WDR27: variants seen among roughly 807,000 people sequenced by gnomAD.
The protein encoded by WDR27 is WD repeat domain 27.
WDR27 carries 100 observed loss-of-function variants against 114.4 expected under a neutral mutation model. The ratio of observed to expected loss-of-function variants is 0.87; its 90% confidence interval spans 0.74 to 1.03. WDR27 has a LOEUF of 1.03. Among genes scored for constraint, WDR27 ranks in the 50% least tolerant of loss-of-function variants. The pLI is 0.00. For missense variants in WDR27, 1,129 were observed against 1,092.9 expected (o/e 1.03, Z -0.47); for synonymous variants, 449 against 423.1 (o/e 1.06, Z -0.75).
intron 2 of WDR27, among the ~76,000 whole-genome samples, chr6:169,685,846 A>G (rs1782793560): frequency 6.6e-6 from 1 of 152,220 alleles, no homozygotes; most frequent in South Asian, 2.1e-4. Flanking sequence ...ATCCAGGTTC[A>G]GGAAGCTCGA....
rs142980289 is a variant in WDR27 at position 169,647,819 on chromosome 6, G to A, written c.1611C>T (p.Val537=). The change falls in exon 16 of 26, where the codon GTC becomes GTT. Residue 537 remains valine, a synonymous_variant. Transcript: ENST00000448612. ...CACGTGTGCAGGTGGGGGCGGCAGC[G>A]ACCTGGGGGCCGGGCTTGGTGGGCA... ...CAVPTKPGPQ[V]AAAPTCTRVC... is the part of the protein sequence containing the mutation. The A allele has an allele frequency of 3.1e-4, 488 of 1,585,400 alleles. 4 individuals are homozygous for A. In the East Asian group the frequency reaches 8.2e-3, roughly 26 times the overall value.
chr6:169,464,564 T>C (rs1321050646), intron 25 of WDR27, among the ~76,000 whole-genome samples: 1 of 152,144 alleles, frequency 6.6e-6, no homozygotes, highest in Non-Finnish European at 1.5e-5. Context: ...CATAAAAAGG[T>C]ACTATTAAAA....
chr6:169,444,618 T>C, the WDR27 span, among the ~76,000 whole-genome samples: 1 of 151,996 alleles, frequency 6.6e-6, no homozygotes, highest in Non-Finnish European at 1.5e-5. Context: ...TGCCTTCACT[T>C]TAGAGGTTGA....
At chr6:169,658,416 G>T in intron 12 of WDR27, 58 bp from the exon 13 acceptor site, 1 of 1,304,776 alleles carries the variant, frequency 7.7e-7, no homozygotes, top group Non-Finnish European at 1.1e-6. Flanking sequence ...CGATGGAAAT[G>T]CCTCAGTGAC....
intron 23 of WDR27, among the ~76,000 whole-genome samples, chr6:169,588,342 G>A (rs1202766783): frequency 1.3e-5 from 2 of 152,208 alleles, no homozygotes; most frequent in African/African-American, 2.4e-5. Flanking sequence ...TTAAAAAGAT[G>A]TGTGTATATT....
chr6:169,482,361 G>A (rs1583688791), intron 25 of WDR27, among the ~76,000 whole-genome samples: 1 of 152,178 alleles, frequency 6.6e-6, no homozygotes, highest in African/African-American at 2.4e-5. Flanking sequence ...TTAGGTCTTT[G>A]AGGAATCACC....
intron 4 of WDR27, 90 bp from the exon 5 acceptor site, chr6:169,668,275 G>C (rs1828450081): frequency 7.5e-7 from 1 of 1,341,098 alleles, no homozygotes; most frequent in African/African-American, 1.4e-5. Flanking sequence ...TCTGAGCTAA[G>C]AGGAAAGCTC....
chr6:169,544,240 C>T (rs1797174473), intron 25 of WDR27, among the ~76,000 whole-genome samples: 2 of 151,878 alleles, frequency 1.3e-5, no homozygotes, highest in Admixed American at 1.3e-4. Flanking sequence ...GGTATAGCGA[C>T]TGAGATAGGC....
At chr6:169,652,861 A>G (rs1277211130) in intron 13 of WDR27, among the ~76,000 whole-genome samples, 1 of 152,252 alleles carries the variant, frequency 6.6e-6, no homozygotes, top group Admixed American at 6.5e-5. Context: ...ACCACAGTAC[A>G]TCACATATGC....
chr6:169,596,128 C>T lies in WDR27; in HGVS notation c.2424+6091G>A, dbSNP rs201698719. Among the ~76,000 whole-genome samples the T allele has an allele frequency of 5.9e-5, 9 of 151,982 alleles. No individual in the cohort carries two copies. In the East Asian group the frequency reaches 1.5e-3, roughly 26 times the overall value. On this transcript the variant is annotated intron_variant, in intron 23 of 25. Transcript: ENST00000448612. ...GTCTGAGTCAATTTTCCCAGGTATT[C>T]GTTCAATATCTAGATTTAACTAAAT...
At chr6:169,601,021 C>T (rs1411434114) in intron 23 of WDR27, among the ~76,000 whole-genome samples, 4 of 152,044 alleles carry the variant, frequency 2.6e-5, no homozygotes, top group Non-Finnish European at 5.9e-5. Context: ...GTCAGATTCA[C>T]CAAAGTTGAA....
chr6:169,603,216 G>A (rs1440588757), intron 22 of WDR27, among the ~76,000 whole-genome samples: 1 of 150,620 alleles, frequency 6.6e-6, no homozygotes, highest in Non-Finnish European at 1.5e-5. Flanking sequence ...CTGTTGCAAT[G>A]GCCAAGATAA....
At chr6:169,664,026 T>C in intron 8 of WDR27, 140 bp downstream of exon 8, 3 of 782,662 alleles carry the variant, frequency 3.8e-6, no homozygotes, top group Non-Finnish European at 3.9e-6. Flanking sequence ...AGGGCCTCAG[T>C]GGTTTTCTGA....
chr6:169,675,398 G>A lies in WDR27; in HGVS notation c.190-3002C>T, dbSNP rs566094436. On this transcript the variant is annotated intron_variant, in intron 2 of 25. Coordinates refer to ENST00000448612, the MANE Select transcript of WDR27 (RefSeq NM_182552.5). ...GGCCCTCACCAGAAGCCAAGCATTT[G>A]TTGGTGCCATGCTTGTGTCGACAAA... Among the ~76,000 whole-genome samples, 6 of 152,258 alleles carry A rather than the reference G, an allele frequency of 3.9e-5. No homozygotes were observed. In the South Asian group the frequency reaches 1.2e-3, roughly 32 times the overall value.
chr6:169,631,023 A>G (rs1241394026), intron 21 of WDR27, among the ~76,000 whole-genome samples: 2 of 152,214 alleles, frequency 1.3e-5, no homozygotes, highest in Non-Finnish European at 2.9e-5. Context: ...GCTCTCAAAT[A>G]CCAACAGTGC....
At chr6:169,517,081 G>T (rs1025689754) in intron 25 of WDR27, among the ~76,000 whole-genome samples, 4 of 152,136 alleles carry the variant, frequency 2.6e-5, no homozygotes, top group African/African-American at 9.7e-5. Context: ...GGAGGTGTTT[G>T]GGTCATGGGG....
At chr6:169,685,626 A>C (rs1484762328) in intron 2 of WDR27, among the ~76,000 whole-genome samples, 1 of 152,224 alleles carries the variant, frequency 6.6e-6, no homozygotes, top group Non-Finnish European at 1.5e-5. Flanking sequence ...CTGAAGAAAG[A>C]ATTTCTGAAC....
chr6:169,659,422 G>C lies in WDR27; in HGVS notation c.1197+29C>G. On this transcript the variant is annotated intron_variant, in intron 11 of 25. Transcript: ENST00000448612. This position sits in a 1 kb window ranked among gnomAD's most constrained non-coding sequence, Gnocchi z 4.3. The stretch of plus-strand genomic sequence containing the variant: ...GAAGAAATCAGAGGCACGTCTCATA[G>C]ACAGGGAGGGCCGCGTCTCAGGACT... 2.5e-6 allele frequency: 4 copies of C among 1,601,980 alleles called. No individual in the cohort carries two copies. The highest frequency in any genetic ancestry group is 3.4e-6 in the Non-Finnish European group (4 of 1,174,210).
At chr6:169,493,131 TA>T (rs1307859173) in intron 25 of WDR27, among the ~76,000 whole-genome samples, 2 of 152,012 alleles carry the variant, frequency 1.3e-5, no homozygotes, top group African/African-American at 4.8e-5. Flanking sequence ...ATTAAAATTA[TA>T]AAATTGGATT....
Sources: allele counts gnomAD v4.1 joint callset (sites outside exome capture counted in the v4.1 genomes callset), GRCh38; gene constraint gnomAD v4.1.1; non-coding constraint Gnocchi (gnomAD v3.1); transcripts MANE v1.5; gene names NCBI Gene and HGNC (gene_info 2026-07-23, HGNC 2026-07-21).